MKLN1: variants seen among roughly 807,000 people sequenced by gnomAD.
MKLN1 encodes muskelin.
MKLN1 carries 18 observed loss-of-function variants against 99.0 expected under a neutral mutation model. The observed-to-expected ratio is 0.18, with a 90% CI of 0.13 to 0.27. The LOEUF is 0.27. Among genes scored for constraint, MKLN1 ranks in the 10% least tolerant of loss-of-function variants. The pLI, the probability that MKLN1 is intolerant of heterozygous loss-of-function variation, is 1.00. For missense variants in MKLN1, 621 were observed against 875.9 expected, an observed-to-expected ratio of 0.71 and a Z score of 3.67; for synonymous variants, 288 against 293.2, an observed-to-expected ratio of 0.98 and a Z score of 0.18.
At chr7:131,164,541 G>A (rs1796096731) in intron 2 of MKLN1, among the ~76,000 whole-genome samples, 1 of 152,120 alleles carries the variant, frequency 6.6e-6, no homozygotes, top group Admixed American at 6.5e-5. Context: ...AACGTTTCTA[G>A]ACATATATGT....
chr7:131,192,213 A>G (rs1563247512), intron 2 of MKLN1, among the ~76,000 whole-genome samples: 1 of 66,498 alleles, frequency 1.5e-5, no homozygotes, highest in African/African-American at 7.3e-5. Flanking sequence ...CAATATATAA[A>G]TATATAAAAT....
chr7:131,178,063 T>A (rs1369102589), intron 2 of MKLN1, among the ~76,000 whole-genome samples: 3 of 152,062 alleles, frequency 2.0e-5, no homozygotes, highest in Admixed American at 2.0e-4. Flanking sequence ...AAATGAGTAA[T>A]CCAGGTGAGT....
At chr7:131,461,587 T>C (rs1265330478) in intron 12 of MKLN1, among the ~76,000 whole-genome samples, 2 of 152,120 alleles carry the variant, frequency 1.3e-5, no homozygotes, top group Non-Finnish European at 2.9e-5. Context: ...AAAAAATAAA[T>C]ACTGGATTAT....
chr7:131,112,673 G>C (rs1043277042), intron 1 of MKLN1, among the ~76,000 whole-genome samples: 20 of 152,126 alleles, frequency 1.3e-4, no homozygotes, highest in African/African-American at 4.6e-4. Flanking sequence ...GAGTAGCTGG[G>C]GCTACAGGTG....
chr7:131,299,042 G>T (rs1270409552), intron 3 of MKLN1, among the ~76,000 whole-genome samples: 2 of 152,156 alleles, frequency 1.3e-5, no homozygotes, highest in Admixed American at 1.3e-4. Context: ...ACTTTTGAAA[G>T]AGGATATTAG....
chr7:131,275,335 C>T (rs1289880510), intron 3 of MKLN1, among the ~76,000 whole-genome samples: 2 of 149,376 alleles, frequency 1.3e-5, no homozygotes, highest in South Asian at 4.2e-4. Context: ...CTAATACCAT[C>T]ACCTAGTTTT....
rs1797463116 is a variant in MKLN1, at chr7:131,492,906, A to G, written c.*5178A>G. 6.6e-6 allele frequency: 1 copy of G among 152,172 alleles called. No homozygotes were observed. The highest frequency in any genetic ancestry group is 2.4e-5 in the African/African-American group (1 of 41,444). The allele number at this position is 152,172 out of a possible 1,614,324, so 9.4% of individuals were successfully genotyped here. On this transcript the variant is annotated 3_prime_UTR_variant, in exon 18 of 18. Coordinates refer to ENST00000352689, the MANE Select transcript of MKLN1 (RefSeq NM_013255.5). ...CTCTAGTGGTGCAGAGAGAAATGCC[A>G]TCGGGGAAATTATCACTGTCTTTTT...
intron 1 of MKLN1, among the ~76,000 whole-genome samples, chr7:131,348,818 T>C (rs1799634248): frequency 6.6e-6 from 1 of 152,172 alleles, no homozygotes; most frequent in South Asian, 2.1e-4. Flanking sequence ...ATTGAGACAG[T>C]ATGGTATAGA....
chr7:131,243,034 G>GAA, intron 3 of MKLN1: 33 of 464,274 alleles, frequency 7.1e-5, no homozygotes, highest in Admixed American at 8.0e-5. Context: ...AAATTAAACA[G>GAA]AAAAAAAAAA....
Position 131,199,929 on chromosome 7 carries a change from C to T in MKLN1, c.-296-2928C>T, listed in dbSNP as rs138929552. On this transcript the variant is annotated intron_variant, in intron 2 of 7. Transcript: ENST00000416992. ...GCCAGGCTGGTATGGAACTCCTGAC[C>T]TCAAGTGATCGGCCCACCTCAGCCT... Among the ~76,000 whole-genome samples, 1,144 of 152,252 alleles carry T rather than the reference C, an allele frequency of 7.5e-3. 19 individuals carry two copies. The highest frequency in any genetic ancestry group is 0.025 in the African/African-American group (1,056 of 41,538).
chr7:131,217,594 A>G lies in MKLN1; in HGVS notation c.-179+14620A>G, dbSNP rs536950749. Among the ~76,000 whole-genome samples the G allele has an allele frequency of 5.3e-5, 8 of 152,358 alleles. No individual in the cohort carries two copies. The South Asian group carries it at 1.7e-3, about 32-fold the overall frequency. ...GCACCTGTAATCCCGGCTACTCAGG[A>G]GGCTGAGGCAGGCAAATTGCTTGAA... On this transcript the variant is annotated intron_variant, in intron 3 of 7. Coordinates refer to the MKLN1 transcript ENST00000416992.
At chr7:131,476,217 C>T (rs1418481363) in intron 16 of MKLN1, among the ~76,000 whole-genome samples, 1 of 152,082 alleles carries the variant, frequency 6.6e-6, no homozygotes, top group African/African-American at 2.4e-5. Flanking sequence ...AACATTTAAC[C>T]CTTTTCCCTA....
chr7:131,183,353 C>T (rs928762381), intron 2 of MKLN1, among the ~76,000 whole-genome samples: 4 of 152,096 alleles, frequency 2.6e-5, no homozygotes, highest in South Asian at 2.1e-4. Context: ...CTCAGCTTGA[C>T]GGGGGTGGGG....
chr7:131,115,985 T>C (rs917449275), intron 1 of MKLN1, among the ~76,000 whole-genome samples: 1 of 152,182 alleles, frequency 6.6e-6, no homozygotes, highest in African/African-American at 2.4e-5. Flanking sequence ...CTTGTGAAGA[T>C]TACTGGCATA....
At chr7:131,396,187 C>T (rs1050431203) in intron 4 of MKLN1, among the ~76,000 whole-genome samples, 3 of 152,082 alleles carry the variant, frequency 2.0e-5, no homozygotes, top group Admixed American at 6.6e-5. Context: ...ATTCTCTTGC[C>T]ACAGCCTCCC....
chr7:131,161,940 CAT>C (rs1183709176), intron 2 of MKLN1, among the ~76,000 whole-genome samples: 1 of 131,576 alleles, frequency 7.6e-6, no homozygotes, highest in Admixed American at 8.1e-5. Flanking sequence ...CATATATACA[CAT>C]ATATATACGT....
At chr7:131,456,564 C>G (rs1482610037) in intron 12 of MKLN1, among the ~76,000 whole-genome samples, 1 of 152,142 alleles carries the variant, frequency 6.6e-6, no homozygotes, top group African/African-American at 2.4e-5. Flanking sequence ...AGTGCAGAAA[C>G]CCTGCTGGAG....
chr7:131,193,663 T>A (rs1796601016), intron 2 of MKLN1, among the ~76,000 whole-genome samples: 1 of 152,180 alleles, frequency 6.6e-6, no homozygotes, highest in Non-Finnish European at 1.5e-5. Context: ...ATTACAGGCG[T>A]GAGCCACTGC....
At chr7:131,335,507 A>T (rs1458416111) in intron 1 of MKLN1, among the ~76,000 whole-genome samples, 1 of 152,176 alleles carries the variant, frequency 6.6e-6, no homozygotes, top group Non-Finnish European at 1.5e-5. Context: ...GTACCCTAAC[A>T]TAACTTATAT....
Sources: gnomAD v4.1 joint callset for allele counts (sites outside exome capture counted in the v4.1 genomes callset) on GRCh38, gnomAD v4.1.1 for gene constraint, MANE v1.5 for transcripts, NCBI Gene and HGNC (gene_info 2026-07-23, HGNC 2026-07-21) for gene names.